Variants in STARD3NL observed in about 807,000 individuals in gnomAD.
STARD3NL encodes STARD3 N-terminal like, also known as STARD3 N-terminal-like protein.
Under a neutral mutation model 30.9 loss-of-function variants are expected in STARD3NL, and 17 were observed. The observed-to-expected ratio is 0.55, with a 90% CI of 0.38 to 0.82. The LOEUF is 0.82. STARD3NL is among the 40% of genes least tolerant of loss of function. STARD3NL has a pLI of 0.00. For missense variants in STARD3NL, 234 were observed against 277.6 expected (o/e 0.84, Z 1.12); for synonymous variants, 112 against 100.5 (o/e 1.11, Z -0.69).
intron 6 of STARD3NL, 104 bp from the exon 7 acceptor site, chr7:38,219,461 G>A (rs1440216144): frequency 1.4e-6 from 1 of 711,360 alleles, no homozygotes; most frequent in Non-Finnish European, 2.4e-6. Flanking sequence ...TTTTTCTAAA[G>A]GTATTTCATT....
At position 38,216,920 on chromosome 7, in the gene STARD3NL, C is replaced by T; in HGVS notation, c.382-105C>T. The T allele has an allele frequency of 3.6e-6, 5 of 1,381,566 alleles. No individual in the cohort carries two copies. The South Asian group carries it at 3.9e-5, about 11-fold the overall frequency. 85.6% of individuals were successfully genotyped at this position (1,381,566 alleles called of 1,614,324 possible). ...GGAGCCAGGCTAGGCACAGGTTTTT[C>T]AGGCCTTGCCTGCTCCTGGCTCAGA... On this transcript the variant is annotated intron_variant, in intron 4 of 8. Coordinates refer to ENST00000009041, the MANE Select transcript of STARD3NL (RefSeq NM_032016.4).
chr7:38,219,594 A>G lies in STARD3NL; in HGVS notation c.583A>G (p.Arg195Gly), dbSNP rs141932676. The G allele has an allele frequency of 2.7e-5, 44 of 1,610,632 alleles. No individual in the cohort carries two copies. The African/African-American group carries it at 4.8e-4, about 18-fold the overall frequency. Reference sequence around the variant, plus strand: ...CCTGATAGTTCAGGATGCTTCAGAGAGGGCAGCACTTATACCTGGTGGTCT... The same window carrying G: ...CCTGATAGTTCAGGATGCTTCAGAGGGGGCAGCACTTATACCTGGTGGTCT... The part of the protein sequence containing the change: ...RLLIVQDASE[R>G]AALIPGGLSD... The change falls in exon 7 of 9, where the codon AGG becomes GGG. Residue 195 changes from arginine to glycine, a missense_variant. Transcript: ENST00000009041.
intron 4 of STARD3NL, chr7:38,215,994 T>C (rs1786088854): frequency 6.6e-6 from 1 of 152,254 alleles, no homozygotes; most frequent in Non-Finnish European, 1.5e-5. Flanking sequence ...TCTCATTTCA[T>C]GGATATAGGC....
In STARD3NL at chr7:38,197,189, T is replaced by TTTCTTTCTTTCTTTCTTTCTTTCTTTCC. The variant is rs1784958612; in HGVS notation, c.-58-10252_-58-10251insCTTTCTTTCTTTCTTTCTTTCCTTCTTT. 1.3e-5 allele frequency among the ~76,000 whole-genome samples: 2 copies of TTTCTTTCTTTCTTTCTTTCTTTCTTTCC among 148,664 alleles called. 1 individual carries two copies. The highest frequency in any genetic ancestry group is 4.3e-4 in the South Asian group (2 of 4,656). ...CTTTCTTTCTTTCTTTCTTTCTTTC[T>TTTCTTTCTTTCTTTCTTTCTTTCTTTCC]TTCTTTTTCTCTCTCTCTCTTTCCC... On this transcript the variant is annotated intron_variant, in intron 1 of 8. Transcript: ENST00000009041.
intron 1 of STARD3NL, among the ~76,000 whole-genome samples, chr7:38,193,030 A>G (rs910268221): frequency 1.3e-5 from 2 of 152,166 alleles, no homozygotes; most frequent in Non-Finnish European, 2.9e-5. Flanking sequence ...CTCTTTCAGA[A>G]TAAGAGACTT....
At chr7:38,228,700 T>C in intron 7 of STARD3NL, 99 bp from the exon 8 acceptor site, 2 of 922,434 alleles carry the variant, frequency 2.2e-6, no homozygotes, top group Non-Finnish European at 3.2e-6. Context: ...TTAATGTTTT[T>C]ATGTGTATAT....
At chr7:38,180,541 T>C (rs762855501) in intron 1 of STARD3NL, among the ~76,000 whole-genome samples, 10 of 152,208 alleles carry the variant, frequency 6.6e-5, no homozygotes, top group Admixed American at 1.3e-4. Flanking sequence ...ATATGCCAGG[T>C]ATGTTACATA....
At chr7:38,220,939 A>G (rs1786421896) in intron 7 of STARD3NL, among the ~76,000 whole-genome samples, 1 of 111,884 alleles carries the variant, frequency 8.9e-6, no homozygotes, top group Non-Finnish European at 1.8e-5. Flanking sequence ...CCTTGTCTCT[A>G]TTAAAAAAGA....
At chr7:38,200,147 TA>T (rs1308882078) in intron 1 of STARD3NL, among the ~76,000 whole-genome samples, 1 of 152,196 alleles carries the variant, frequency 6.6e-6, no homozygotes, top group Non-Finnish European at 1.5e-5. Flanking sequence ...GTAGTAGAGT[TA>T]ACTCACTGTC....
At chr7:38,227,537 G>GA (rs536617733) in intron 7 of STARD3NL, among the ~76,000 whole-genome samples, 69 of 150,990 alleles carry the variant, frequency 4.6e-4, no homozygotes, top group African/African-American at 1.1e-3. Context: ...TCTCCTTAGG[G>GA]AAAAAAAAAT....
Position 38,207,612 on chromosome 7 carries a change from G to A in STARD3NL, c.108G>A (p.Arg36=), listed in dbSNP as rs1785563298. The A allele has an allele frequency of 6.2e-7, 1 of 1,614,098 alleles. No homozygotes were observed. Among genetic ancestry groups the A allele is most frequent in the Non-Finnish European group, 8.5e-7 (1 of 1,179,964 alleles). The change falls in exon 2 of 9, where the codon AGG becomes AGA. Residue 36 remains arginine (R), a synonymous_variant. Coordinates refer to ENST00000009041, the MANE Select transcript of STARD3NL (RefSeq NM_032016.4). ...TCAACCCCACACAACTCATGGCCAG[G>A]ATTGAGTCCTATGAAGGAAGGGAAA... ...HSINPTQLMA[R]IESYEGREKK...
At chr7:38,194,733 C>T (rs1372795361) in intron 1 of STARD3NL, among the ~76,000 whole-genome samples, 2 of 151,930 alleles carry the variant, frequency 1.3e-5, no homozygotes, top group Non-Finnish European at 2.9e-5. Context: ...TTCCTTATTG[C>T]AAGATTTATT....
At chr7:38,227,892 A>T (rs13235913) in intron 7 of STARD3NL, among the ~76,000 whole-genome samples, 12,712 of 152,228 alleles carry the variant, frequency 0.084, 654 homozygotes, top group Middle Eastern at 0.15. Context: ...TTTTAAAAAT[A>T]TAATTTAAAA....
intron 1 of STARD3NL, among the ~76,000 whole-genome samples, chr7:38,186,824 T>C (rs1333037937): frequency 2.0e-5 from 3 of 152,120 alleles, no homozygotes; most frequent in Non-Finnish European, 4.4e-5. Flanking sequence ...AATGTATCCC[T>C]GTCATTAAGT....
intron 1 of STARD3NL, chr7:38,198,279 A>G (rs12154578): frequency 0.084 from 12,733 of 152,284 alleles, 656 homozygotes; most frequent in Middle Eastern, 0.15. Context: ...GGCAAAGTCA[A>G]TTGCCTCCAG....
chr7:38,207,740 G>A lies in STARD3NL; in HGVS notation c.225+11G>A. ...ATAATAGAGTTAAATGTAAGTTGGT[G>A]GTTCTTTCATAACTTTTTAAGAAGT... On this transcript the variant is annotated intron_variant, in intron 2 of 8. Transcript: ENST00000009041. 1 of 1,610,642 alleles carries A rather than the reference G, an allele frequency of 6.2e-7. No individual in the cohort carries two copies. The highest frequency in any genetic ancestry group is 8.5e-7 in the Non-Finnish European group (1 of 1,177,466).
intron 1 of STARD3NL, among the ~76,000 whole-genome samples, chr7:38,203,088 A>G (rs1482127665): frequency 1.3e-5 from 2 of 152,182 alleles, no homozygotes; most frequent in South Asian, 4.1e-4. Context: ...AACTTCCCCA[A>G]TCTAGCAAGT....
chr7:38,204,346 C>T (rs1309563476), intron 1 of STARD3NL, among the ~76,000 whole-genome samples: 1 of 152,200 alleles, frequency 6.6e-6, no homozygotes, highest in Non-Finnish European at 1.5e-5. Flanking sequence ...CAAAACCGCT[C>T]AACTACATGG....
At chr7:38,204,436 A>G (rs74771269) in intron 1 of STARD3NL, among the ~76,000 whole-genome samples, 64,566 of 152,000 alleles carry the variant, frequency 0.42, 14,068 homozygotes, top group East Asian at 0.5. Context: ...TTTGAAACCA[A>G]CAAAAACAAA....
Sources: gnomAD v4.1 joint callset for allele counts (sites outside exome capture counted in the v4.1 genomes callset) on GRCh38, gnomAD v4.1.1 for gene constraint, MANE v1.5 for transcripts, NCBI Gene and HGNC (gene_info 2026-07-23, HGNC 2026-07-21) for gene names.